The following FOXN3 variants were observed in gnomAD, a reference collection of about 807,000 sequenced individuals.
FOXN3 encodes the protein forkhead box protein N3.
Under a neutral mutation model 38.4 loss-of-function variants are expected in FOXN3, and 7 were observed. The observed-to-expected ratio is 0.18, with a 90% CI of 0.10 to 0.34. The LOEUF is 0.34. Ranked by LOEUF, FOXN3 falls within the 10% of genes least tolerant of loss-of-function variation. The pLI, the probability that FOXN3 is intolerant of heterozygous loss-of-function variation, is 1.00. For synonymous variants in FOXN3, 230 were observed against 242.2 expected, an observed-to-expected ratio of 0.95 and a Z score of 0.47; for missense variants, 456 against 613.4, an observed-to-expected ratio of 0.74 and a Z score of 2.71.
chr14:89,522,765 A>T (rs930863191), intron 1 of FOXN3, among the ~76,000 whole-genome samples: 19 of 148,716 alleles, frequency 1.3e-4, no homozygotes, highest in Non-Finnish European at 1.8e-4. Context: ...GAGATAAAGT[A>T]AAAAAAAAGA....
At chr14:89,441,404 A>C (rs1451261171) in intron 1 of FOXN3, among the ~76,000 whole-genome samples, 1 of 152,238 alleles carries the variant, frequency 6.6e-6, no homozygotes, top group Non-Finnish European at 1.5e-5. Context: ...AAAAAGGATG[A>C]AACTGAAAGG....
rs146124449 is a variant in FOXN3 at position 89,549,953 on chromosome 14, G to A, written c.-15+69075C>T. 1.5e-4 allele frequency among the ~76,000 whole-genome samples: 23 copies of A among 152,310 alleles called. No individual in the cohort carries two copies. The East Asian group carries it at 2.9e-3, about 19-fold the overall frequency. The stretch of plus-strand genomic sequence containing the variant: ...ACATTACATTTCTTTCTGGCAGGCC[G>A]GCTAATGCTCCTTCAGTGCGATGCC... On this transcript the variant is annotated intron_variant, in intron 1 of 6. Coordinates refer to the FOXN3 transcript ENST00000345097.
In FOXN3 at chr14:89,412,478, T is replaced by C. The variant is rs1891569035; in HGVS notation, c.-2A>G. ...ACTGGGAGGCATGACTGGACCCATT[T>C]ACGTGAAGGCTCCTAGTAAAGACAT... On this transcript the variant is annotated 5_prime_UTR_variant, in exon 2 of 6. Coordinates refer to ENST00000557258, the MANE Select transcript of FOXN3 (RefSeq NM_005197.4). The surrounding 1 kb of genome is among the most constrained non-coding windows in gnomAD (Gnocchi z 4.7). 1.3e-6 allele frequency: 2 copies of C among 1,593,462 alleles called. No individual in the cohort carries two copies. Among genetic ancestry groups the C allele is most frequent in the Non-Finnish European group, 1.7e-6 (2 of 1,168,572 alleles).
chr14:89,271,078 G>A (rs929562579), intron 4 of FOXN3, among the ~76,000 whole-genome samples: 3 of 152,058 alleles, frequency 2.0e-5, no homozygotes, highest in African/African-American at 4.8e-5. Flanking sequence ...CCCATGTCAC[G>A]TGCACCGCAG....
intron 3 of FOXN3, among the ~76,000 whole-genome samples, chr14:89,308,768 A>G (rs1167138290): frequency 6.6e-6 from 1 of 152,246 alleles, no homozygotes; most frequent in East Asian, 1.9e-4. Context: ...AGAAAGGAGA[A>G]GCTGCTAGGA....
At chr14:89,401,812 TAGAA>T (rs1304106584) in intron 2 of FOXN3, 10 of 368,530 alleles carry the variant, frequency 2.7e-5, no homozygotes, top group Non-Finnish European at 3.7e-5. Context: ...CTCCAATAAA[TAGAA>T]AGAAGACACT....
chr14:89,491,212 G>C (rs1893568033), intron 1 of FOXN3, among the ~76,000 whole-genome samples: 1 of 151,976 alleles, frequency 6.6e-6, no homozygotes, highest in Non-Finnish European at 1.5e-5. Context: ...CCGACCTCAG[G>C]TGATCTTCCC....
At position 89,360,037 on chromosome 14, in the gene FOXN3, C is replaced by A. The variant is rs1462134633; in HGVS notation, c.544-9229G>T. On this transcript the variant is annotated intron_variant, in intron 2 of 5. Transcript: ENST00000557258. ...CTGTCATTCTGTCCAGCATATGCCA[C>A]GGTCTCCCAGGATCTGGCAGGCTTG... is the stretch of plus-strand genomic sequence containing the variant. Among the ~76,000 whole-genome samples the A allele has an allele frequency of 6.6e-4, 100 of 152,210 alleles. 1 individual carries two copies. Among genetic ancestry groups the A allele is most frequent in the Admixed American group, 6.5e-3 (100 of 15,282 alleles).
At chr14:89,417,249 G>A (rs1236916670), upstream of FOXN3, 1 of 147,512 alleles carries the variant, frequency 6.8e-6, no homozygotes, top group African/African-American at 2.4e-5. Context: ...GGCAGGAGGA[G>A]GGGAAGCGCG....
intron 4 of FOXN3, among the ~76,000 whole-genome samples, chr14:89,197,776 T>G (rs772943518): frequency 6.6e-6 from 1 of 152,148 alleles, no homozygotes; most frequent in South Asian, 2.1e-4. Flanking sequence ...GGCTCCACCC[T>G]AGCTGAAGGA....
chr14:89,438,932 G>A (rs778384355), intron 1 of FOXN3, among the ~76,000 whole-genome samples: 16 of 151,856 alleles, frequency 1.1e-4, no homozygotes, highest in East Asian at 9.7e-4. Context: ...AGCTAATTTC[G>A]TATTTTTAGT....
chr14:89,581,111 G>A (rs1408470481), intron 1 of FOXN3, among the ~76,000 whole-genome samples: 1 of 152,118 alleles, frequency 6.6e-6, no homozygotes, highest in Non-Finnish European at 1.5e-5. Flanking sequence ...GAGCCTGGAA[G>A]GTCGAGGCCA....
chr14:89,348,619 G>A (rs1183976404), intron 3 of FOXN3, among the ~76,000 whole-genome samples: 1 of 152,130 alleles, frequency 6.6e-6, no homozygotes, highest in Non-Finnish European at 1.5e-5. Flanking sequence ...CTCTGTGGAG[G>A]TGAAATCTAA....
At chr14:89,368,256 G>C (rs973142328) in intron 2 of FOXN3, among the ~76,000 whole-genome samples, 2 of 151,114 alleles carry the variant, frequency 1.3e-5, no homozygotes, top group Non-Finnish European at 1.5e-5. Context: ...CTTGAACCCA[G>C]GAGGCGGAGG....
chr14:89,543,458 AC>A (rs1894829205), intron 1 of FOXN3, among the ~76,000 whole-genome samples: 1 of 152,224 alleles, frequency 6.6e-6, no homozygotes, highest in South Asian at 2.1e-4. Context: ...TATTAAAAAA[AC>A]AAAAACAAAA....
intron 2 of FOXN3, among the ~76,000 whole-genome samples, chr14:89,360,728 C>CACCACCTCCACCACCACCTCCACCACT (rs1566966338): frequency 9.0e-6 from 1 of 111,336 alleles, no homozygotes; most frequent in African/African-American, 3.7e-5. Context: ...CCTCCACCAC[C>CACCACCTCCACCACCACCTCCACCACT]ACCACCTCCA....
At chr14:89,542,016 T>C (rs1894798599) in intron 1 of FOXN3, among the ~76,000 whole-genome samples, 1 of 152,026 alleles carries the variant, frequency 6.6e-6, no homozygotes, top group Admixed American at 6.6e-5. Flanking sequence ...TAAGAAAGAA[T>C]TCAGGGCGAG....
rs573065968 is a variant in FOXN3, at chr14:89,593,838, T to C, written c.-15+25190A>G. ...CCCAGGTTGGTCTCAAACTCCTGGGTTCAAGTGATCTGCCCACCTTGGCCT... is the reference window on the plus strand; with the variant it reads ...CCCAGGTTGGTCTCAAACTCCTGGGCTCAAGTGATCTGCCCACCTTGGCCT... On this transcript the variant is annotated intron_variant, in intron 1 of 6. Transcript: ENST00000345097. 8.5e-5 allele frequency among the ~76,000 whole-genome samples: 13 copies of C among 152,210 alleles called. No homozygotes were observed. The East Asian group carries it at 1.9e-3, about 23-fold the overall frequency.
intron 1 of FOXN3, among the ~76,000 whole-genome samples, chr14:89,531,848 C>T (rs1894577939): frequency 6.6e-6 from 1 of 152,130 alleles, no homozygotes; most frequent in Non-Finnish European, 1.5e-5. Flanking sequence ...CTCACCCTGG[C>T]ACCCAGGCTG....
Sources: allele counts gnomAD v4.1 joint callset (sites outside exome capture counted in the v4.1 genomes callset), GRCh38; gene constraint gnomAD v4.1.1; non-coding constraint Gnocchi (gnomAD v3.1); transcripts MANE v1.5; gene names NCBI Gene and HGNC (gene_info 2026-07-23, HGNC 2026-07-21).